Variants in HMBOX1 observed in about 807,000 individuals in gnomAD.
HMBOX1 encodes homeobox-containing protein 1.
HMBOX1 carries 14 observed loss-of-function variants against 54.5 expected under a neutral mutation model. The ratio of observed to expected loss-of-function variants is 0.26; its 90% confidence interval spans 0.17 to 0.40. The LOEUF is 0.40. Ranked by LOEUF, HMBOX1 falls within the 10% of genes least tolerant of loss-of-function variation. The pLI is 1.00. For missense variants in HMBOX1, 332 were observed against 514.4 expected, an observed-to-expected ratio of 0.65 and a Z score of 3.43; for synonymous variants, 160 against 181.0, an observed-to-expected ratio of 0.88 and a Z score of 0.93.
At chr8:28,896,869 A>G (rs966347566) in intron 1 of HMBOX1, among the ~76,000 whole-genome samples, 1 of 152,000 alleles carries the variant, frequency 6.6e-6, no homozygotes, top group Non-Finnish European at 1.5e-5. Flanking sequence ...GAAAGTTTTT[A>G]TGAAAAATTC....
intron 1 of HMBOX1, among the ~76,000 whole-genome samples, chr8:28,935,505 T>A (rs543974933): frequency 3.5e-4 from 54 of 152,270 alleles, no homozygotes; most frequent in African/African-American, 1.1e-3. Context: ...AGGGGGAGCA[T>A]TTCTTGACTC....
chr8:28,918,602 ACTTTTAAC>A (rs1816988898), intron 1 of HMBOX1, among the ~76,000 whole-genome samples: 1 of 152,202 alleles, frequency 6.6e-6, no homozygotes, highest in Non-Finnish European at 1.5e-5. Context: ...ATTACTTGGT[ACTTTTAAC>A]CTCTATAGGG....
chr8:28,947,124 G>A (rs1046722562), intron 1 of HMBOX1, among the ~76,000 whole-genome samples: 1 of 152,168 alleles, frequency 6.6e-6, no homozygotes, highest in Non-Finnish European at 1.5e-5. Flanking sequence ...CCACAACTCA[G>A]ATGGAGAGCG....
chr8:28,966,275 T>C (rs1451701896), intron 2 of HMBOX1, among the ~76,000 whole-genome samples: 1 of 152,206 alleles, frequency 6.6e-6, no homozygotes, highest in Non-Finnish European at 1.5e-5. Context: ...GTATGATATT[T>C]TCTTAGAATA....
At chr8:28,915,418 A>G (rs375030917) in intron 1 of HMBOX1, among the ~76,000 whole-genome samples, 7 of 151,726 alleles carry the variant, frequency 4.6e-5, no homozygotes, top group African/African-American at 1.4e-4. Context: ...TTAGCCGGGC[A>G]TGGTGGCAGG....
At chr8:28,963,512 A>G (rs1239242209) in intron 1 of HMBOX1, among the ~76,000 whole-genome samples, 1 of 152,198 alleles carries the variant, frequency 6.6e-6, no homozygotes, top group Admixed American at 6.5e-5. Context: ...TTATAATCTT[A>G]GAGTTAATGG....
In HMBOX1 at chr8:28,941,292, A is replaced by G. The variant is rs866427295; in HGVS notation, c.-57-22519A>G. Among the ~76,000 whole-genome samples the G allele has an allele frequency of 5.9e-5, 9 of 152,364 alleles. No individual in the cohort carries two copies. In the Middle Eastern group the frequency reaches 0.01, roughly 173 times the overall value. On this transcript the variant is annotated intron_variant, in intron 1 of 9. Transcript: ENST00000287701. ...CATCAGTTAGATAAATTGAATTGAA[A>G]TAAATACTTTATTGTATTTTGGGAA...
At chr8:28,980,297 A>T in intron 4 of HMBOX1, 141 bp downstream of exon 4, 1 of 663,748 alleles carries the variant, frequency 1.5e-6, no homozygotes, top group Non-Finnish European at 2.7e-6. Context: ...GTGATTTAAA[A>T]CCCATTGTCT....
At chr8:29,022,130 T>G (rs142150141) in intron 6 of HMBOX1, among the ~76,000 whole-genome samples, 3 of 152,172 alleles carry the variant, frequency 2.0e-5, no homozygotes, top group Non-Finnish European at 4.4e-5. Flanking sequence ...TTCTAGAAAA[T>G]TATCTTAGGG....
chr8:28,902,450 A>G (rs992967542), intron 1 of HMBOX1, among the ~76,000 whole-genome samples: 1 of 152,174 alleles, frequency 6.6e-6, no homozygotes, highest in Admixed American at 6.5e-5. Context: ...ATAGGATCAG[A>G]AAGAGGACCC....
intron 1 of HMBOX1, among the ~76,000 whole-genome samples, chr8:28,939,223 A>G (rs1033635943): frequency 9.3e-5 from 14 of 151,156 alleles, no homozygotes; most frequent in African/African-American, 1.2e-4. Context: ...TGGGAGGCAG[A>G]GGTTGCGGTG....
chr8:28,920,138 A>T (rs908959309), intron 1 of HMBOX1, among the ~76,000 whole-genome samples: 4 of 152,128 alleles, frequency 2.6e-5, no homozygotes, highest in Admixed American at 2.0e-4. Flanking sequence ...AAACTTGACA[A>T]CCTAGTTTCA....
intron 2 of HMBOX1, among the ~76,000 whole-genome samples, chr8:28,964,370 A>T (rs1826098003): frequency 6.6e-6 from 1 of 152,134 alleles, no homozygotes; most frequent in Non-Finnish European, 1.5e-5. Context: ...CTATTAGCTG[A>T]TGTGCTAGCC....
intron 1 of HMBOX1, among the ~76,000 whole-genome samples, chr8:28,895,772 A>G (rs1811986893): frequency 6.6e-6 from 1 of 151,694 alleles, no homozygotes. Context: ...TGAAGTTCTC[A>G]CTCTTCATCC....
chr8:29,040,664 A>G (rs1168526784), intron 6 of HMBOX1, among the ~76,000 whole-genome samples: 2 of 152,172 alleles, frequency 1.3e-5, no homozygotes, highest in Non-Finnish European at 2.9e-5. Flanking sequence ...AATTACAAAA[A>G]TAACAGGTCT....
Position 28,897,174 on chromosome 8 carries a change from G to A in HMBOX1, c.-58+6496G>A, listed in dbSNP as rs983267608. ...CTAATTTTGTAGTTTTAATAGAGACGGGGTTTCTCCATGTTGGTCATGCTG... is the reference window on the plus strand; with the variant it reads ...CTAATTTTGTAGTTTTAATAGAGACAGGGTTTCTCCATGTTGGTCATGCTG... On this transcript the variant is annotated intron_variant, in intron 1 of 9. Coordinates refer to ENST00000287701, the MANE Select transcript of HMBOX1 (RefSeq NM_001135726.3). Among the ~76,000 whole-genome samples, 3 of 151,690 alleles carry A rather than the reference G, an allele frequency of 2.0e-5. 1 individual carries two copies. The highest frequency in any genetic ancestry group is 7.3e-5 in the African/African-American group (3 of 41,304).
intron 1 of HMBOX1, among the ~76,000 whole-genome samples, chr8:28,945,792 TGGG>T (rs1563441349): frequency 6.6e-6 from 1 of 151,850 alleles, no homozygotes; most frequent in African/African-American, 2.4e-5. Context: ...CTGCCTTTCA[TGGG>T]GAAAAGGTTT....
chr8:28,918,931 T>A (rs1223898126), intron 1 of HMBOX1, among the ~76,000 whole-genome samples: 1 of 152,200 alleles, frequency 6.6e-6, no homozygotes. Context: ...TCTGAAGACA[T>A]CCAAATAACT....
In HMBOX1 at chr8:29,048,969, A is replaced by G; in HGVS notation, c.1046A>G (p.Glu349Gly). Residue 349 changes from glutamate to glycine, a missense_variant, in exon 9 of 10, where the codon GAG becomes GGG. This residue lies in a region of HMBOX1 where 69 missense variants were observed against 104.6 expected (regional missense o/e 0.66). Transcript: ENST00000287701. ...TTTTTCGAAGAAGCAGCAATCCTGG[A>G]GAGTCATGGGATAGATGTGCAGAGT... ...RRANIEAAIL[E>G]SHGIDVQSPG... 6.2e-7 allele frequency: 1 copy of G among 1,609,794 alleles called. No homozygotes were observed. The highest frequency in any genetic ancestry group is 8.5e-7 in the Non-Finnish European group (1 of 1,177,164).
Sources: allele counts gnomAD v4.1 joint callset (sites outside exome capture counted in the v4.1 genomes callset), GRCh38; gene constraint gnomAD v4.1.1; regional missense constraint gnomAD v4.1.1; transcripts MANE v1.5; gene names NCBI Gene and HGNC (gene_info 2026-07-23, HGNC 2026-07-21).